Variants in EPB41L2 observed in about 807,000 individuals in gnomAD.
EPB41L2 encodes the protein erythrocyte membrane protein band 4.1 like 2, also known as band 4.1-like protein 2.
In EPB41L2, 43 loss-of-function variants were observed where a neutral mutation model predicts 113.0. The observed-to-expected ratio is 0.38, with a 90% CI of 0.30 to 0.49. EPB41L2 has a LOEUF of 0.49. EPB41L2 is among the 20% of genes least tolerant of loss of function. The pLI, the probability that EPB41L2 is intolerant of heterozygous loss-of-function variation, is 0.95. For missense variants in EPB41L2, 1,147 were observed against 1,223.4 expected (o/e 0.94, Z 0.93); for synonymous variants, 442 against 436.7 (o/e 1.01, Z -0.15).
At chr6:131,015,060 G>A (rs969273289) in intron 1 of EPB41L2, among the ~76,000 whole-genome samples, 4 of 152,176 alleles carry the variant, frequency 2.6e-5, no homozygotes, top group African/African-American at 4.8e-5. Flanking sequence ...CAGTGGAGCA[G>A]GAACCAACTG....
At chr6:130,877,041 G>C (rs1396980014) in intron 14 of EPB41L2, among the ~76,000 whole-genome samples, 1 of 152,104 alleles carries the variant, frequency 6.6e-6, no homozygotes, top group African/African-American at 2.4e-5. Context: ...AACTTCATAA[G>C]ACTCTACCAA....
rs1313369459 is a variant in EPB41L2 at position 130,876,601 on chromosome 6, C to A, written c.2043+1503G>T. The A allele has an allele frequency of 7.4e-6, 7 of 952,318 alleles. No homozygotes were observed. The East Asian group carries it at 3.8e-4, about 51-fold the overall frequency. The allele number at this position is 952,318 out of a possible 1,614,324, so 59.0% of individuals were successfully genotyped here. Reference sequence around the variant, plus strand: ...GTATGACACACAGGAAAAAAGAAATCTTATGGCTGTGGATAGAAACAAAAG... The same window carrying A: ...GTATGACACACAGGAAAAAAGAAATATTATGGCTGTGGATAGAAACAAAAG... On this transcript the variant is annotated intron_variant, in intron 14 of 19. Coordinates refer to ENST00000337057, the MANE Select transcript of EPB41L2 (RefSeq NM_001431.4).
At chr6:131,013,954 A>C (rs1174713009) in intron 1 of EPB41L2, 1 of 152,110 alleles carries the variant, frequency 6.6e-6, no homozygotes, top group Non-Finnish European at 1.5e-5. Flanking sequence ...CAAATCGTCC[A>C]GGATGCAATG....
At chr6:130,907,537 T>C (rs1798087079) in intron 5 of EPB41L2, among the ~76,000 whole-genome samples, 1 of 152,146 alleles carries the variant, frequency 6.6e-6, no homozygotes, top group African/African-American at 2.4e-5. Flanking sequence ...TCTCATATCC[T>C]GAGAAGCCCC....
chr6:130,852,824 C>G (rs1779153715), intron 19 of EPB41L2, among the ~76,000 whole-genome samples: 1 of 152,182 alleles, frequency 6.6e-6, no homozygotes, highest in African/African-American at 2.4e-5. Context: ...ATCCCACAAT[C>G]CAGCTACATC....
intron 3 of EPB41L2, among the ~76,000 whole-genome samples, chr6:130,936,079 A>G (rs9492760): frequency 0.014 from 2,207 of 152,344 alleles, 65 homozygotes; most frequent in African/African-American, 0.05. Context: ...CAGTTCTAGT[A>G]TGTCAGTTGC....
At chr6:130,861,517 G>A (rs907844104) in intron 18 of EPB41L2, among the ~76,000 whole-genome samples, 1 of 152,146 alleles carries the variant, frequency 6.6e-6, no homozygotes, top group African/African-American at 2.4e-5. Context: ...AGGCTTAAAG[G>A]AGAAAGTGAA....
At chr6:130,875,931 G>A (rs1787398028) in intron 14 of EPB41L2, among the ~76,000 whole-genome samples, 1 of 149,618 alleles carries the variant, frequency 6.7e-6, no homozygotes, top group Non-Finnish European at 1.5e-5. Context: ...GTTGCAGTGA[G>A]CCAAGATCAT....
At chr6:130,950,225 A>G (rs1021341296) in intron 3 of EPB41L2, among the ~76,000 whole-genome samples, 3 of 152,226 alleles carry the variant, frequency 2.0e-5, no homozygotes, top group Admixed American at 6.5e-5. Flanking sequence ...TCCCAAAGAA[A>G]AAGAGCAAAA....
intron 9 of EPB41L2, 114 bp from the exon 10 acceptor site, chr6:130,894,555 G>A: frequency 1.1e-6 from 1 of 873,122 alleles, no homozygotes; most frequent in Non-Finnish European, 1.8e-6. Context: ...CTCAAAAAAG[G>A]TAAATATTGC....
intron 1 of EPB41L2, among the ~76,000 whole-genome samples, chr6:131,029,319 C>A (rs940247333): frequency 4.8e-5 from 7 of 144,722 alleles, no homozygotes; most frequent in African/African-American, 1.8e-4. Context: ...TTGCTTAGGA[C>A]TGAAAAGCAT....
chr6:130,921,993 G>T (rs1803021336), intron 4 of EPB41L2, among the ~76,000 whole-genome samples: 1 of 152,186 alleles, frequency 6.6e-6, no homozygotes, highest in Admixed American at 6.5e-5. Flanking sequence ...AACAGTAATG[G>T]CACTATTTTT....
intron 10 of EPB41L2, among the ~76,000 whole-genome samples, chr6:130,891,436 C>T (rs201561332): frequency 2.0e-5 from 1 of 51,190 alleles, no homozygotes; most frequent in African/African-American, 4.0e-5. Context: ...TATTTACTTA[C>T]TTACTTACTT....
At chr6:130,923,324 A>T (rs912864870) in intron 4 of EPB41L2, among the ~76,000 whole-genome samples, 2 of 152,184 alleles carry the variant, frequency 1.3e-5, no homozygotes, top group Non-Finnish European at 2.9e-5. Flanking sequence ...TGGTCATCTC[A>T]TATCCTTGCT....
intron 1 of EPB41L2, among the ~76,000 whole-genome samples, chr6:130,992,178 TCA>T (rs1413538772): frequency 6.6e-6 from 1 of 152,132 alleles, no homozygotes; most frequent in Non-Finnish European, 1.5e-5. Context: ...GCGAAAAGAT[TCA>T]CACTCACACA....
intron 1 of EPB41L2, among the ~76,000 whole-genome samples, chr6:131,025,113 G>A (rs1325099811): frequency 6.6e-6 from 1 of 152,024 alleles, no homozygotes; most frequent in Non-Finnish European, 1.5e-5. Flanking sequence ...GGGAAATGCA[G>A]TGTAGTAGTT....
chr6:131,029,388 G>C (rs1238679088), intron 1 of EPB41L2, among the ~76,000 whole-genome samples: 1 of 97,632 alleles, frequency 1.0e-5, no homozygotes, highest in Non-Finnish European at 2.1e-5. Context: ...TTCAGCATTT[G>C]TTTAAAAAAA....
At position 130,872,438 on chromosome 6, in the gene EPB41L2, C is replaced by T. The variant is rs904175721; in HGVS notation, c.2044-2312G>A. 2.3e-6 allele frequency: 3 copies of T among 1,289,336 alleles called. No homozygotes were observed. In the Admixed American group the frequency reaches 6.9e-5, roughly 30 times the overall value. The allele number at this position is 1,289,336 out of a possible 1,614,324, so 79.9% of individuals were successfully genotyped here. ...AGGTGCATTAGCGCTCACAACAGCG[C>T]CCTCTGCTGTCCAAGTGGTGGCTGA... On this transcript the variant is annotated intron_variant, in intron 14 of 19. Transcript: ENST00000337057.
chr6:130,944,750 A>C (rs1321795548), intron 3 of EPB41L2, among the ~76,000 whole-genome samples: 1 of 152,112 alleles, frequency 6.6e-6, no homozygotes, highest in Non-Finnish European at 1.5e-5. Context: ...ACAAGGGAAG[A>C]CTCAGAAAAT....
Sources: gnomAD v4.1 joint callset for allele counts (sites outside exome capture counted in the v4.1 genomes callset) on GRCh38, gnomAD v4.1.1 for gene constraint, MANE v1.5 for transcripts, NCBI Gene and HGNC (gene_info 2026-07-23, HGNC 2026-07-21) for gene names.